Variants in SAAL1 observed in about 807,000 individuals in gnomAD.
SAAL1 encodes the protein serum amyloid A like 1.
A neutral mutation model predicts 59.8 loss-of-function variants in SAAL1; 42 were observed. That is an observed-to-expected ratio of 0.70 (90% CI 0.55 to 0.91). SAAL1 has a LOEUF of 0.91. Ranked by LOEUF, SAAL1 falls within the 40% of genes least tolerant of loss-of-function variation. The pLI, the probability that SAAL1 is intolerant of heterozygous loss-of-function variation, is 0.00. For missense variants in SAAL1, 542 were observed against 561.1 expected (o/e 0.97, Z 0.34); for synonymous variants, 191 against 194.3 (o/e 0.98, Z 0.14).
chr11:18,094,861 TG>T (rs2134061765), intron 3 of SAAL1, among the ~76,000 whole-genome samples: 1 of 152,300 alleles, frequency 6.6e-6, no homozygotes, highest in African/African-American at 2.4e-5. Context: ...AGGGAATAAC[TG>T]AACTTCCAAT....
intron 2 of SAAL1, among the ~76,000 whole-genome samples, chr11:18,099,102 G>T (rs1233464752): frequency 3.9e-5 from 6 of 152,120 alleles, no homozygotes; most frequent in African/African-American, 1.2e-4. Flanking sequence ...TGAGCCTATG[G>T]TCTTGTTTTT....
intron 2 of SAAL1, among the ~76,000 whole-genome samples, chr11:18,100,167 G>A (rs1257272432): frequency 7.2e-5 from 11 of 152,208 alleles, no homozygotes; most frequent in Admixed American, 7.2e-4. Context: ...AGAATAGAAA[G>A]TAGATCTGAA....
rs2134056872 is a variant in SAAL1 at position 18,087,212 on chromosome 11, C to T, written c.784G>A (p.Glu262Lys). ...AAKQVRSENP[E>K]WLDVYMHILQ... ...ATGTGCATGTAAACATCAAGCCATTCTGGATTTTCAGAACTAAATAGGAAA... is the reference window on the plus strand; with the variant it reads ...ATGTGCATGTAAACATCAAGCCATTTTGGATTTTCAGAACTAAATAGGAAA... The change falls in exon 8 of 12, where the codon GAA becomes AAA. Residue 262 changes from glutamate (E) to lysine (K), a missense_variant. By Grantham distance (56) the Glu-to-Lys change is moderately conservative. Transcript: ENST00000524803. The T allele has an allele frequency of 6.2e-7, 1 of 1,611,618 alleles. No homozygotes were observed. The highest frequency in any genetic ancestry group is 2.2e-5 in the East Asian group (1 of 44,828).
At position 18,086,986 on chromosome 11, in the gene SAAL1, G is replaced by A. The variant is rs867752572; in HGVS notation, c.922C>T (p.Gln308Ter). The A allele has an allele frequency of 1.9e-6, 3 of 1,613,822 alleles. No homozygotes were observed. The highest frequency in any genetic ancestry group is 2.5e-6 in the Non-Finnish European group (3 of 1,179,724). The change falls in exon 9 of 12, where the codon CAG (glutamine) becomes TAG (stop). Residue 308 changes from glutamine (Q) to a stop codon, truncating the protein, a stop_gained. Transcript: ENST00000524803. LOFTEE classifies it high-confidence loss of function. ...LFDLVCHEFC[Q>*]SDDPPIILQE... ...AGAATGATGGGTGGATCATCAGACTGGCAGAATTCATGGCAGACCAGGTCA... is the reference window on the plus strand; with the variant it reads ...AGAATGATGGGTGGATCATCAGACTAGCAGAATTCATGGCAGACCAGGTCA...
At chr11:18,101,427 T>C (rs1381662392) in intron 2 of SAAL1, among the ~76,000 whole-genome samples, 14 of 152,056 alleles carry the variant, frequency 9.2e-5, no homozygotes, top group Admixed American at 9.2e-4. Flanking sequence ...GTGAGTCTCA[T>C]GAGATCTGAT....
At chr11:18,084,722 T>A (rs1218509121) in intron 9 of SAAL1, among the ~76,000 whole-genome samples, 1 of 152,216 alleles carries the variant, frequency 6.6e-6, no homozygotes, top group Non-Finnish European at 1.5e-5. Flanking sequence ...AAACTCTTAA[T>A]AAAATAGAAA....
chr11:18,080,711 C>A (rs1257554402), intron 11 of SAAL1, among the ~76,000 whole-genome samples: 1 of 152,136 alleles, frequency 6.6e-6, no homozygotes, highest in Non-Finnish European at 1.5e-5. Flanking sequence ...TAGTACTTCT[C>A]CCCCCGCCTC....
At chr11:18,102,608 G>A (rs1183797702) in intron 2 of SAAL1, among the ~76,000 whole-genome samples, 1 of 152,048 alleles carries the variant, frequency 6.6e-6, no homozygotes, top group African/African-American at 2.4e-5. Flanking sequence ...AGGTGAAAGA[G>A]ACTAAAACAA....
chr11:18,096,645 C>T (rs753234729), intron 3 of SAAL1, 126 bp downstream of exon 3: 23 of 650,140 alleles, frequency 3.5e-5, no homozygotes, highest in Non-Finnish European at 6.0e-5. Flanking sequence ...GTTCAATTAA[C>T]ATCTACAGGC....
chr11:18,103,036 G>A (rs149881142), intron 2 of SAAL1, among the ~76,000 whole-genome samples, 197 bp downstream of exon 2: 55 of 152,276 alleles, frequency 3.6e-4, no homozygotes, highest in African/African-American at 1.3e-3. Context: ...TCTGTTGAGA[G>A]CTCAAATCCT....
Position 18,080,455 on chromosome 11 carries a change from T to A in SAAL1, c.1369A>T (p.Lys457Ter), listed in dbSNP as rs1212954245. The change falls in exon 12 of 12, where the codon AAG becomes TAG. Residue 457 changes from lysine (K) to a stop codon, truncating the protein, a stop_gained. Transcript: ENST00000524803. LOFTEE classifies it high-confidence loss of function. Reference sequence around the variant, plus strand: ...TTTTCCAAGTCATCAGCAAGCGCCTTATCAACTTCACGTAGGATTTTAATA... The same window carrying A: ...TTTTCCAAGTCATCAGCAAGCGCCTAATCAACTTCACGTAGGATTTTAATA... ...DFIKILREVD[K>*]ALADDLEKNF... 6.9e-6 allele frequency: 11 copies of A among 1,589,976 alleles called. No individual in the cohort carries two copies. Among genetic ancestry groups the A allele is most frequent in the Non-Finnish European group, 9.4e-6 (11 of 1,174,252 alleles).
intron 2 of SAAL1, among the ~76,000 whole-genome samples, chr11:18,100,172 T>TA (rs1848620510): frequency 7.2e-5 from 11 of 152,200 alleles, no homozygotes; most frequent in Admixed American, 7.2e-4. Flanking sequence ...AGAAAGTAGA[T>TA]CTGAACAATA....
At chr11:18,093,615 C>A (rs2134061143) in intron 3 of SAAL1, among the ~76,000 whole-genome samples, 1 of 152,268 alleles carries the variant, frequency 6.6e-6, no homozygotes, top group Non-Finnish European at 1.5e-5. Flanking sequence ...TGTATAATTT[C>A]ATATAATAAC....
At chr11:18,082,559 G>T (rs1007465572) in intron 10 of SAAL1, among the ~76,000 whole-genome samples, 8 of 145,674 alleles carry the variant, frequency 5.5e-5, no homozygotes, top group Admixed American at 4.0e-4. Flanking sequence ...CCCCAAATCT[G>T]GAAAATACAA....
intron 8 of SAAL1, 24 bp downstream of exon 8, chr11:18,087,119 G>A: frequency 6.2e-7 from 1 of 1,600,294 alleles, no homozygotes; most frequent in Non-Finnish European, 8.6e-7. Flanking sequence ...AGTAACTGTA[G>A]TGCATCCCGA....
chr11:18,086,999 G>A lies in SAAL1; in HGVS notation c.909C>T (p.Cys303=). The A allele has an allele frequency of 6.2e-7, 1 of 1,613,934 alleles. No homozygotes were observed. Among genetic ancestry groups the A allele is most frequent in the South Asian group, 1.1e-5 (1 of 91,080 alleles). Reference sequence around the variant, plus strand: ...GATCATCAGACTGGCAGAATTCATGGCAGACCAGGTCAAAAAGTAAATTCC... The same window carrying A: ...GATCATCAGACTGGCAGAATTCATGACAGACCAGGTCAAAAAGTAAATTCC... ...DIWNLLFDLV[C]HEFCQSDDPP... The change falls in exon 9 of 12, where the codon TGC becomes TGT. Residue 303 remains cysteine (C), a synonymous_variant. Coordinates refer to ENST00000524803, the MANE Select transcript of SAAL1 (RefSeq NM_138421.3).
intron 2 of SAAL1, among the ~76,000 whole-genome samples, chr11:18,102,190 T>C (rs1180076773): frequency 6.6e-6 from 1 of 152,102 alleles, no homozygotes; most frequent in Non-Finnish European, 1.5e-5. Context: ...TCATTTGAGG[T>C]CAGCAGTTCA....
Position 18,096,785 on chromosome 11 carries a change from A to C in SAAL1, c.319T>G (p.Cys107Gly). The C allele has an allele frequency of 6.4e-7, 1 of 1,556,828 alleles. No individual in the cohort carries two copies. The highest frequency in any genetic ancestry group is 1.1e-5 in the South Asian group (1 of 89,008). The stretch of plus-strand genomic sequence containing the variant: ...TACATACTTACTCTTAATCGAGGAC[A>C]CTTGGACTTGGCCAGTACTCCCATG... ...IFMGVLAKSK[C>G]PRLREICVGI... The change falls in exon 3 of 12, where the codon TGT becomes GGT. Residue 107 changes from cysteine (C) to glycine (G), a missense_variant. Physicochemically the swap from Cys to Gly is radical, Grantham distance 159. Coordinates refer to ENST00000524803, the MANE Select transcript of SAAL1 (RefSeq NM_138421.3).
At chr11:18,095,276 T>C (rs1349484679) in intron 3 of SAAL1, among the ~76,000 whole-genome samples, 1 of 152,194 alleles carries the variant, frequency 6.6e-6, no homozygotes, top group African/African-American at 2.4e-5. Context: ...GACATAAGCT[T>C]ATTTCTTTAT....
Sources: gnomAD v4.1 joint callset for allele counts (sites outside exome capture counted in the v4.1 genomes callset) on GRCh38, gnomAD v4.1.1 for gene constraint, MANE v1.5 for transcripts, NCBI Gene and HGNC (gene_info 2026-07-23, HGNC 2026-07-21) for gene names.